The following ITGAE variants were observed in gnomAD, a reference collection of about 807,000 sequenced individuals.
ITGAE encodes integrin alpha-E.
A neutral mutation model predicts 136.5 loss-of-function variants in ITGAE; 99 were observed. The observed-to-expected ratio is 0.73, with a 90% CI of 0.62 to 0.86. ITGAE has a LOEUF of 0.86. ITGAE is among the 40% of genes least tolerant of loss of function. The pLI, the probability that ITGAE is intolerant of heterozygous loss-of-function variation, is 0.00. For missense variants in ITGAE, 1,447 were observed against 1,515.3 expected (o/e 0.95, Z 0.75); for synonymous variants, 613 against 591.8 (o/e 1.04, Z -0.52).
Position 3,756,984 on chromosome 17 carries a change from C to A in ITGAE, c.1171G>T (p.Gly391Cys). The stretch of plus-strand genomic sequence containing the variant: ...GTGGCCTGGGTCCCGGAGCCCTCAC[C>A]TTCCATGCTGATGATGTTGTACCGC... ...KLRYNIISME[G>C]TVGDALHYQL... The change falls in exon 10 of 31, where the codon GGC (glycine) becomes TGC (cysteine). Residue 391 changes from glycine (G) to cysteine (C), a missense_variant and splice_region_variant. Coordinates refer to ENST00000263087, the MANE Select transcript of ITGAE (RefSeq NM_002208.5). 1 of 1,613,018 alleles carries A rather than the reference C, an allele frequency of 6.2e-7. No homozygotes were observed. Among genetic ancestry groups the A allele is most frequent in the South Asian group, 1.1e-5 (1 of 90,930 alleles).
At chr17:3,797,649 C>A (rs774152743) in intron 1 of ITGAE, among the ~76,000 whole-genome samples, 2 of 151,614 alleles carry the variant, frequency 1.3e-5, no homozygotes, top group African/African-American at 4.9e-5. Context: ...TTAGTAGAGA[C>A]GGGGTTTCAC....
intron 2 of ITGAE, among the ~76,000 whole-genome samples, chr17:3,776,511 CT>C (rs1398560761): frequency 6.6e-6 from 1 of 152,230 alleles, no homozygotes; most frequent in Admixed American, 6.5e-5. Context: ...CACGGTGAAG[CT>C]GCCACTGAAC....
In ITGAE at chr17:3,798,415, G is replaced by A. The variant is rs773085137; in HGVS notation, c.34+2696C>T. The stretch of plus-strand genomic sequence containing the variant: ...AATCTCCTGCTCCCACTCACACTTC[G>A]CCTCCATCTTCCTACAAACCAGACT... On this transcript the variant is annotated intron_variant, in intron 1 of 30. Transcript: ENST00000263087. This position sits in a 1 kb window ranked among gnomAD's most constrained non-coding sequence, Gnocchi z 4.3. Among the ~76,000 whole-genome samples, 7 of 152,114 alleles carry A rather than the reference G, an allele frequency of 4.6e-5. No individual in the cohort carries two copies. Among genetic ancestry groups the A allele is most frequent in the Middle Eastern group, 3.4e-3 (1 of 294 alleles).
intron 2 of ITGAE, among the ~76,000 whole-genome samples, chr17:3,775,626 A>ATT (rs34720738): frequency 0.011 from 1,514 of 144,042 alleles, 26 homozygotes; most frequent in African/African-American, 0.032. Flanking sequence ...CACCCAGCTA[A>ATT]TTTTTTTTTT....
Position 3,798,292 on chromosome 17 carries a change from G to A in ITGAE, c.34+2819C>T, listed in dbSNP as rs1362440508. ...CAACCTGCCTTCTCTTCACACAGGG[G>A]CTGGGATAGGGGTGGCCTCGCCTCT... On this transcript the variant is annotated intron_variant, in intron 1 of 30. Transcript: ENST00000263087. The surrounding 1 kb of genome is among the most constrained non-coding windows in gnomAD (Gnocchi z 4.3). Among the ~76,000 whole-genome samples the A allele has an allele frequency of 6.6e-6, 1 of 152,154 alleles. No individual in the cohort carries two copies. The highest frequency in any genetic ancestry group is 1.5e-5 in the Non-Finnish European group (1 of 68,016).
In ITGAE at chr17:3,795,989, C is replaced by CTGTGTGTGTGCATCTG. The variant is rs71155806; in HGVS notation, c.34+5121_34+5122insCAGATGCACACACACA. On this transcript the variant is annotated intron_variant, in intron 1 of 30. Coordinates refer to ENST00000263087, the MANE Select transcript of ITGAE (RefSeq NM_002208.5). The stretch of plus-strand genomic sequence containing the variant: ...TGCGTGTGTGCATCCGTGTGTGCAT[C>CTGTGTGTGTGCATCTG]TGTGTGTGCATCCGTGTGTGCATCC... Among the ~76,000 whole-genome samples the CTGTGTGTGTGCATCTG allele has an allele frequency of 4.9e-3, 621 of 127,190 alleles. 6 individuals carry two copies. The highest frequency in any genetic ancestry group is 0.02 in the Middle Eastern group (5 of 250). 83.4% of individuals were successfully genotyped at this position (127,190 alleles called of 152,430 possible).
chr17:3,716,861 T>G, intron 29 of ITGAE, 63 bp from the exon 30 acceptor site: 1 of 951,082 alleles, frequency 1.1e-6, no homozygotes, highest in South Asian at 1.3e-5. Context: ...AAATCCTACA[T>G]GTTATTTTAA....
At chr17:3,745,619 G>A (rs1031197529) in intron 18 of ITGAE, 145 bp downstream of exon 18, 4 of 806,182 alleles carry the variant, frequency 5.0e-6, no homozygotes, top group African/African-American at 1.8e-5. Flanking sequence ...TGGGATGACA[G>A]GCGTGAGCCA....
In ITGAE at chr17:3,780,030, G is replaced by A. The variant is rs539013423; in HGVS notation, c.35-2370C>T. Among the ~76,000 whole-genome samples, 159 of 152,272 alleles carry A rather than the reference G, an allele frequency of 1.0e-3. 1 individual carries two copies. The highest frequency in any genetic ancestry group is 3.7e-3 in the African/African-American group (154 of 41,562). On this transcript the variant is annotated intron_variant, in intron 1 of 30. Transcript: ENST00000263087. The stretch of plus-strand genomic sequence containing the variant: ...CTCTTGTTGCCCAGGCTGGAGTGCA[G>A]TGGCACGATCTCGGCTCACCGCAAC...
intron 16 of ITGAE, 86 bp from the exon 17 acceptor site, chr17:3,748,138 T>G (rs1437033344): frequency 7.2e-7 from 1 of 1,382,070 alleles, no homozygotes; most frequent in African/African-American, 1.4e-5. Flanking sequence ...CATTCAATGG[T>G]TCTCTATCAA....
In ITGAE at chr17:3,723,699, T is replaced by A; in HGVS notation, c.3130A>T (p.Ser1044Cys). The change falls in exon 27 of 31, where the codon AGT becomes TGT. Residue 1044 changes from serine (S) to cysteine (C), a missense_variant. Ser to Cys is a moderately radical substitution (Grantham distance 112). Transcript: ENST00000263087. ...TWSQERACAY[S>C]SVQHVEEWHS... The stretch of plus-strand genomic sequence containing the variant: ...ACGGCCGCGCTTACCTGAACCGAAC[T>A]GTACGCACAAGCGCGCTCCTGACTC... 6.2e-7 allele frequency: 1 copy of A among 1,601,372 alleles called. No homozygotes were observed. Among genetic ancestry groups the A allele is most frequent in the South Asian group, 1.1e-5 (1 of 89,610 alleles).
rs767363369 is a variant in ITGAE at position 3,763,979 on chromosome 17, T to G, written c.156-19A>C. The G allele has an allele frequency of 1.2e-4, 194 of 1,580,842 alleles. No homozygotes were observed. The highest frequency in any genetic ancestry group is 1.6e-4 in the Non-Finnish European group (184 of 1,152,318). On this transcript the variant is annotated intron_variant, in intron 2 of 30. Coordinates refer to ENST00000263087, the MANE Select transcript of ITGAE (RefSeq NM_002208.5). ...CAGGAGCCTGAGTGGGAGGGGAGGT[T>G]GCAAAGCTGAGCTGGCTGATGTTCC... is the stretch of plus-strand genomic sequence containing the variant.
At chr17:3,720,558 G>A (rs1597292924) in intron 28 of ITGAE, 156 bp from the exon 29 acceptor site, 5 of 477,476 alleles carry the variant, frequency 1.0e-5, no homozygotes, top group Non-Finnish European at 1.9e-5. Flanking sequence ...ACCCAAACAA[G>A]ACATCTGCAG....
In ITGAE at chr17:3,791,409, A is replaced by C. The variant is rs143969668; in HGVS notation, c.34+9702T>G. Among the ~76,000 whole-genome samples the C allele has an allele frequency of 4.0e-3, 612 of 151,946 alleles. 5 individuals are homozygous for C. The highest frequency in any genetic ancestry group is 0.014 in the African/African-American group (589 of 41,450). ...GTGATTCTCCTGCCTCAGCCTCCTG[A>C]GTAGCTGGGATTACAGGGGTGTGCC... On this transcript the variant is annotated intron_variant, in intron 1 of 30. Coordinates refer to ENST00000263087, the MANE Select transcript of ITGAE (RefSeq NM_002208.5).
intron 28 of ITGAE, among the ~76,000 whole-genome samples, chr17:3,722,757 A>G (rs1354471153): frequency 6.6e-6 from 1 of 152,202 alleles, no homozygotes; most frequent in African/African-American, 2.4e-5. Context: ...TGAAAAAAGT[A>G]TGGATTTTAG....
At chr17:3,766,118 G>A (rs865861162) in intron 2 of ITGAE, among the ~76,000 whole-genome samples, 1 of 152,118 alleles carries the variant, frequency 6.6e-6, no homozygotes, top group Non-Finnish European at 1.5e-5. Context: ...GGGAGGCCCC[G>A]AAAACGGTGG....
intron 23 of ITGAE, among the ~76,000 whole-genome samples, chr17:3,730,236 A>G (rs969942332): frequency 6.6e-6 from 1 of 151,954 alleles, no homozygotes; most frequent in African/African-American, 2.4e-5. Context: ...CTGGTGGATC[A>G]CGAGGTCAGG....
At position 3,726,303 on chromosome 17, in the gene ITGAE, T is replaced by A. The variant is rs759375099; in HGVS notation, c.3084+1616A>T. ...GCTGAACTTCAGCTCTGCCACTGAC[T>A]TGCTCTGCCAGCACAGTCTGTTTAA... On this transcript the variant is annotated intron_variant, in intron 26 of 30. Transcript: ENST00000263087. 4 of 1,613,546 alleles carry A rather than the reference T, an allele frequency of 2.5e-6. No individual in the cohort carries two copies. The South Asian group carries it at 4.4e-5, about 18-fold the overall frequency.
In ITGAE at chr17:3,743,614, A is replaced by G; in HGVS notation, c.2323T>C (p.Cys775Arg). The change falls in exon 19 of 31, where the codon TGT (cysteine) becomes CGT (arginine). Residue 775 changes from cysteine to arginine, a missense_variant. By Grantham distance (180) the Cys-to-Arg change is radical. Coordinates refer to ENST00000263087, the MANE Select transcript of ITGAE (RefSeq NM_002208.5). ...LLLMPTEGELCEEDCFSNASV... is the reference protein window; with the variant it reads ...LLLMPTEGELREEDCFSNASV... The stretch of plus-strand genomic sequence containing the variant: ...GCATTGGAGAAGCAGTCCTCCTCAC[A>G]GAGCTGTGGGGTCACCACGGAAGGC... The G allele has an allele frequency of 6.2e-7, 1 of 1,612,694 alleles. No homozygotes were observed. The highest frequency in any genetic ancestry group is 8.5e-7 in the Non-Finnish European group (1 of 1,179,518).
Sources: allele counts gnomAD v4.1 joint callset (sites outside exome capture counted in the v4.1 genomes callset), GRCh38; gene constraint gnomAD v4.1.1; non-coding constraint Gnocchi (gnomAD v3.1); transcripts MANE v1.5; gene names NCBI Gene and HGNC (gene_info 2026-07-23, HGNC 2026-07-21).